Variants in PAQR5 observed in about 807,000 individuals in gnomAD.
The protein encoded by PAQR5 is progestin and adipoQ receptor family member 5, also known as membrane progestin receptor gamma.
Under a neutral mutation model 34.5 loss-of-function variants are expected in PAQR5, and 20 were observed. The observed-to-expected ratio is 0.58, with a 90% CI of 0.41 to 0.84. PAQR5 has a LOEUF of 0.84. Among genes scored for constraint, PAQR5 ranks in the 40% least tolerant of loss-of-function variants. PAQR5 has a pLI of 0.00. For synonymous variants in PAQR5, 131 were observed against 155.6 expected (o/e 0.84, Z 1.18); for missense variants, 378 against 412.7 (o/e 0.92, Z 0.73).
At chr15:69,326,468 C>T (rs7161820) in intron 1 of PAQR5, among the ~76,000 whole-genome samples, 188 of 146,278 alleles carry the variant, frequency 1.3e-3, no homozygotes, top group African/African-American at 4.3e-3. Flanking sequence ...TAGGCTCTCA[C>T]TCTGTTGCAC....
At chr15:69,366,441 A>G (rs561423411) in intron 3 of PAQR5, among the ~76,000 whole-genome samples, 36 of 152,226 alleles carry the variant, frequency 2.4e-4, no homozygotes, top group Non-Finnish European at 5.0e-4. Flanking sequence ...TAGGTGGACA[A>G]GTTGTCAGTC....
chr15:69,308,820 G>A (rs1315103735), intron 1 of PAQR5, among the ~76,000 whole-genome samples: 2 of 151,950 alleles, frequency 1.3e-5, no homozygotes, highest in African/African-American at 2.4e-5. Context: ...TGAGGAACCT[G>A]GTGTAGCTTC....
At chr15:69,368,771 G>A (rs2140879796) in intron 3 of PAQR5, among the ~76,000 whole-genome samples, 1 of 151,870 alleles carries the variant, frequency 6.6e-6, no homozygotes, top group South Asian at 2.1e-4. Flanking sequence ...AGTTATATTA[G>A]GCTCTTTTTT....
chr15:69,327,284 G>A (rs572034575), intron 1 of PAQR5, among the ~76,000 whole-genome samples: 38 of 152,136 alleles, frequency 2.5e-4, no homozygotes, highest in African/African-American at 7.5e-4. Context: ...GAGCCACTGC[G>A]CCCACCACAT....
chr15:69,311,401 G>T (rs149452090), intron 1 of PAQR5, among the ~76,000 whole-genome samples: 2 of 152,178 alleles, frequency 1.3e-5, no homozygotes, highest in South Asian at 2.1e-4. Context: ...TTAGATGAGG[G>T]AAGTGAGTGG....
At chr15:69,348,171 CT>C (rs1362261251) in intron 2 of PAQR5, among the ~76,000 whole-genome samples, 1 of 152,190 alleles carries the variant, frequency 6.6e-6, no homozygotes, top group African/African-American at 2.4e-5. Flanking sequence ...TGGGACACCT[CT>C]GTTTTCCTCT....
At chr15:69,372,472 G>A (rs894101248) in intron 3 of PAQR5, among the ~76,000 whole-genome samples, 5 of 152,196 alleles carry the variant, frequency 3.3e-5, no homozygotes, top group African/African-American at 1.2e-4. Flanking sequence ...GAATTCGGGA[G>A]ATAGAGGTTG....
intron 2 of PAQR5, among the ~76,000 whole-genome samples, chr15:69,343,480 C>T (rs936264919): frequency 4.6e-5 from 7 of 152,226 alleles, no homozygotes; most frequent in Non-Finnish European, 1.0e-4. Context: ...GGAATATGGT[C>T]TTCCACTTGC....
At chr15:69,327,541 T>C (rs1567000904) in intron 1 of PAQR5, among the ~76,000 whole-genome samples, 1 of 152,120 alleles carries the variant, frequency 6.6e-6, no homozygotes, top group African/African-American at 2.4e-5. Flanking sequence ...CCCCAGTGCC[T>C]AGGGTGCTTT....
At chr15:69,300,702 CTCTT>C (rs1220750135) in intron 1 of PAQR5, among the ~76,000 whole-genome samples, 106 of 6,514 alleles carry the variant, frequency 0.016, 9 homozygotes, top group African/African-American at 0.022. Flanking sequence ...CTCTCTCTCT[CTCTT>C]TCTTTCTTTC....
intron 6 of PAQR5, among the ~76,000 whole-genome samples, chr15:69,390,510 T>G (rs2056238643): frequency 6.6e-6 from 1 of 152,108 alleles, no homozygotes. Flanking sequence ...GCTCTTTGAT[T>G]CGGTACAAGG....
At chr15:69,338,008 C>T (rs1368834432) in intron 2 of PAQR5, among the ~76,000 whole-genome samples, 5 of 152,108 alleles carry the variant, frequency 3.3e-5, no homozygotes, top group Admixed American at 3.3e-4. Flanking sequence ...ACCCAGGAGG[C>T]AGAGGCTGCA....
chr15:69,388,553 G>A (rs1211068444), intron 5 of PAQR5, among the ~76,000 whole-genome samples: 7 of 152,334 alleles, frequency 4.6e-5, no homozygotes, highest in African/African-American at 1.4e-4. Context: ...TCTGCTGAGC[G>A]AATGCATCCC....
chr15:69,342,087 C>T lies in PAQR5; in HGVS notation c.-116+4586C>T, dbSNP rs558255632. Among the ~76,000 whole-genome samples the T allele has an allele frequency of 1.1e-4, 16 of 152,224 alleles. No individual in the cohort carries two copies. In the South Asian group the frequency reaches 3.3e-3, roughly 32 times the overall value. ...CCACTTTACAGTCCCACCAGAAATG[C>T]ATTAGTTTCTATTTCTCCACACCCT... On this transcript the variant is annotated intron_variant, in intron 2 of 8. Transcript: ENST00000395407.
intron 1 of PAQR5, among the ~76,000 whole-genome samples, chr15:69,309,909 A>G (rs1272876233): frequency 6.6e-6 from 1 of 152,104 alleles, no homozygotes; most frequent in African/African-American, 2.4e-5. Context: ...TTAGCCAGGC[A>G]TGATGGTAGG....
chr15:69,310,870 C>G (rs1315342742), intron 1 of PAQR5, among the ~76,000 whole-genome samples: 8 of 151,526 alleles, frequency 5.3e-5, no homozygotes, highest in Non-Finnish European at 1.0e-4. Context: ...AACCCCGTCT[C>G]TACTAAAAAT....
chr15:69,332,925 C>T (rs2054419968), intron 1 of PAQR5, among the ~76,000 whole-genome samples: 1 of 151,434 alleles, frequency 6.6e-6, no homozygotes, highest in South Asian at 2.1e-4. Flanking sequence ...GCCAAAAATA[C>T]TGGTCGCTTA....
At chr15:69,332,378 A>C (rs2054401480) in intron 1 of PAQR5, among the ~76,000 whole-genome samples, 1 of 152,152 alleles carries the variant, frequency 6.6e-6, no homozygotes, top group Admixed American at 6.5e-5. Flanking sequence ...TGTGTCCTTA[A>C]GAGCTTAACC....
intron 2 of PAQR5, among the ~76,000 whole-genome samples, chr15:69,349,563 G>C (rs2054856631): frequency 6.6e-6 from 1 of 152,136 alleles, no homozygotes; most frequent in Non-Finnish European, 1.5e-5. Flanking sequence ...CACTTTGGTT[G>C]GTTGGCTGAA....
Sources: gnomAD v4.1 joint callset for allele counts (sites outside exome capture counted in the v4.1 genomes callset) on GRCh38, gnomAD v4.1.1 for gene constraint, MANE v1.5 for transcripts, NCBI Gene and HGNC (gene_info 2026-07-23, HGNC 2026-07-21) for gene names.